The following DNAJB1 variants were observed in gnomAD, a reference collection of about 807,000 sequenced individuals.
DNAJB1 encodes the protein DnaJ heat shock protein family (Hsp40) member B1.
Under a neutral mutation model 24.0 loss-of-function variants are expected in DNAJB1, and 14 were observed. That is an observed-to-expected ratio of 0.58 (90% CI 0.39 to 0.91). DNAJB1 has a LOEUF of 0.91. Among genes scored for constraint, DNAJB1 ranks in the 40% least tolerant of loss-of-function variants. DNAJB1 has a pLI of 0.00. For synonymous variants in DNAJB1, 262 were observed against 174.4 expected (o/e 1.50, Z -3.96); for missense variants, 517 against 458.1 (o/e 1.13, Z -1.17).
At chr19:14,557,443 A>G (rs1348292548) in intron 1 of DNAJB1, among the ~76,000 whole-genome samples, 1 of 142,696 alleles carries the variant, frequency 7.0e-6, no homozygotes. Flanking sequence ...GCCCCGCCTA[A>G]TCATATTTAT....
At chr19:14,540,322 C>T (rs2073054070) in intron 1 of DNAJB1, among the ~76,000 whole-genome samples, 1 of 152,126 alleles carries the variant, frequency 6.6e-6, no homozygotes, top group Non-Finnish European at 1.5e-5. Context: ...CCCTCCTCAG[C>T]CTCCCAAAGT....
In DNAJB1 at chr19:14,542,347, G is replaced by GTTTTTTTTTTTTTTTTT. The variant is rs71166754; in HGVS notation, c.-214+7844_-214+7860dup. Among the ~76,000 whole-genome samples the GTTTTTTTTTTTTTTTTT allele has an allele frequency of 6.5e-4, 28 of 43,302 alleles. 6 individuals carry two copies. Among genetic ancestry groups the GTTTTTTTTTTTTTTTTT allele is most frequent in the Non-Finnish European group, 9.6e-4 (22 of 22,814 alleles). 28.4% of individuals were successfully genotyped at this position (43,302 alleles called of 152,430 possible). A position where few individuals can be genotyped will look rare whatever the true frequency, so the allele number is the denominator to read the frequency against. On this transcript the variant is annotated intron_variant, in intron 1 of 3. Coordinates refer to the DNAJB1 transcript ENST00000676982. ...CCTCAGGGGGCCCTCATGCCATAGT[G>GTTTTTTTTTTTTTTTTT]TTTTTTTTTTTTTTTTTTTTTTTTT...
At chr19:14,519,174 C>A (rs374955699), upstream of DNAJB1, among the ~76,000 whole-genome samples, 1 of 152,140 alleles carries the variant, frequency 6.6e-6, no homozygotes, top group African/African-American at 2.4e-5. Flanking sequence ...TCGAGACCAG[C>A]CTGGCCAACA....
Position 14,516,472 on chromosome 19 carries a change from G to A in DNAJB1, c.786C>T (p.Leu262=), listed in dbSNP as rs560672298. The change falls in exon 2 of 3, where the codon CTC becomes CTT. Residue 262 remains leucine (L), a synonymous_variant. Coordinates refer to ENST00000254322, the MANE Select transcript of DNAJB1 (RefSeq NM_006145.3). ...GCCCCACCTGGCACCTTACCTCCCG[G>A]AGGCTGATCCTGGCAGGATAAATGA... ...SDVIYPARIS[L]REALCGCTVN... 63 of 1,611,124 alleles carry A rather than the reference G, an allele frequency of 3.9e-5. No homozygotes were observed. The highest frequency in any genetic ancestry group is 5.4e-5 in the Non-Finnish European group (63 of 1,177,538).
At chr19:14,544,241 G>GT (rs1254992219) in intron 1 of DNAJB1, among the ~76,000 whole-genome samples, 2 of 151,820 alleles carry the variant, frequency 1.3e-5, no homozygotes, top group Non-Finnish European at 2.9e-5. Flanking sequence ...GTCACCTCAT[G>GT]TTTGAGTTCT....
upstream of DNAJB1, among the ~76,000 whole-genome samples, chr19:14,523,347 C>G (rs952665001): frequency 2.0e-5 from 3 of 152,078 alleles, no homozygotes; most frequent in African/African-American, 7.2e-5. Flanking sequence ...TGGAGTCTCA[C>G]TCTGTCACCC....
In DNAJB1 at chr19:14,517,458, AG is replaced by A. The variant is rs530924091; in HGVS notation, c.212-413del. 65 of 168,050 alleles carry A rather than the reference AG, an allele frequency of 3.9e-4. No homozygotes were observed. The Middle Eastern group carries it at 0.011, about 29-fold the overall frequency. The allele number at this position is 168,050 out of a possible 1,614,324, so 10.4% of individuals were successfully genotyped here. ...AAGAAAAAAAAAAACAAAAATAAAT[AG>A]GGAGTTTTTAAATCCTCACACATTA... On this transcript the variant is annotated intron_variant, in intron 1 of 2. Transcript: ENST00000254322.
intron 1 of DNAJB1, among the ~76,000 whole-genome samples, chr19:14,556,396 G>A (rs2073721856): frequency 8.2e-6 from 1 of 121,998 alleles, no homozygotes; most frequent in African/African-American, 3.3e-5. Context: ...CTGGGCGACA[G>A]CGAGACTCTC....
In DNAJB1 at chr19:14,516,999, C is replaced by T. The variant is rs376056897; in HGVS notation, c.259G>A (p.Gly87Ser). The T allele has an allele frequency of 6.2e-7, 1 of 1,608,804 alleles. No individual in the cohort carries two copies. Among genetic ancestry groups the T allele is most frequent in the Non-Finnish European group, 8.5e-7 (1 of 1,178,018 alleles). ...TGGAATGTGTAGCTGAAAGAGGTAC[C>T]ATTGGCACCACCGCCGCTACCGCCA... ...PSGGSGGGAN[G>S]TSFSYTFHGD... Residue 87 changes from glycine to serine, a missense_variant, in exon 2 of 3, where the codon GGT (glycine) becomes AGT (serine). Coordinates refer to ENST00000254322, the MANE Select transcript of DNAJB1 (RefSeq NM_006145.3).
At chr19:14,520,756 G>A (rs1271143768), upstream of DNAJB1, among the ~76,000 whole-genome samples, 1 of 152,192 alleles carries the variant, frequency 6.6e-6, no homozygotes, top group Non-Finnish European at 1.5e-5. Flanking sequence ...CTGGGAAGGT[G>A]AGGTGGGAGG....
At chr19:14,528,125 C>G (rs1293067240) in intron 1 of DNAJB1, among the ~76,000 whole-genome samples, 1 of 152,080 alleles carries the variant, frequency 6.6e-6, no homozygotes, top group Non-Finnish European at 1.5e-5. Flanking sequence ...CTCATGTGAT[C>G]TGCCTGTCTT....
intron 1 of DNAJB1, 196 bp from the exon 2 acceptor site, chr19:14,517,242 T>C: frequency 1.7e-6 from 1 of 591,680 alleles, no homozygotes; most frequent in Non-Finnish European, 2.9e-6. Context: ...TATTTCCGCG[T>C]AGCCTGACAG....
At chr19:14,539,882 T>C (rs1250724549) in intron 1 of DNAJB1, among the ~76,000 whole-genome samples, 1 of 8,882 alleles carries the variant, frequency 1.1e-4, no homozygotes, top group Non-Finnish European at 3.8e-4. Context: ...TTTTCTTTCT[T>C]TTTTTTTTTT....
upstream of DNAJB1, among the ~76,000 whole-genome samples, chr19:14,553,473 G>T (rs1218480228): frequency 1.3e-5 from 2 of 152,150 alleles, no homozygotes; most frequent in Non-Finnish European, 2.9e-5. Context: ...GCCCCCGGGT[G>T]CCACTGAGAA....
chr19:14,516,989 A>G lies in DNAJB1; in HGVS notation c.269T>C (p.Phe90Ser). ...GSGGGANGTS[F>S]SYTFHGDPHA... ...AGGGTCTCCATGGAATGTGTAGCTG[A>G]AAGAGGTACCATTGGCACCACCGCC... is the stretch of plus-strand genomic sequence containing the variant. The change falls in exon 2 of 3, where the codon TTC becomes TCC. Residue 90 changes from phenylalanine to serine, a missense_variant. Transcript: ENST00000254322. 1.2e-6 allele frequency: 2 copies of G among 1,611,940 alleles called. No individual in the cohort carries two copies. The highest frequency in any genetic ancestry group is 2.2e-5 in the South Asian group (2 of 91,058).
At chr19:14,517,071 C>G in intron 1 of DNAJB1, 25 bp from the exon 2 acceptor site, 1 of 1,581,988 alleles carries the variant, frequency 6.3e-7, no homozygotes, top group South Asian at 1.1e-5. Context: ...TAGAAGCAGT[C>G]AGATGGCTGA....
At chr19:14,547,875 TGGTCTTG>T (rs567859180) in intron 1 of DNAJB1, among the ~76,000 whole-genome samples, 32 of 151,520 alleles carry the variant, frequency 2.1e-4, no homozygotes, top group Admixed American at 9.9e-4. Context: ...TTGCCCAGGT[TGGTCTTG>T]GGTCTTGGGT....
intron 1 of DNAJB1, among the ~76,000 whole-genome samples, chr19:14,558,411 C>T (rs1222316214): frequency 6.6e-6 from 1 of 152,252 alleles, no homozygotes; most frequent in East Asian, 1.9e-4. Context: ...CCCCTGCTCC[C>T]TCTTGCAGGG....
intron 1 of DNAJB1, among the ~76,000 whole-genome samples, chr19:14,548,043 C>T (rs557699585): frequency 1.3e-4 from 19 of 151,150 alleles, no homozygotes; most frequent in African/African-American, 4.6e-4. Flanking sequence ...AGTTCACTGC[C>T]ACCTCTGCCT....
Sources: allele counts gnomAD v4.1 joint callset (sites outside exome capture counted in the v4.1 genomes callset), GRCh38; gene constraint gnomAD v4.1.1; transcripts MANE v1.5; gene names NCBI Gene and HGNC (gene_info 2026-07-23, HGNC 2026-07-21).